Variants in FAM169A observed in about 807,000 individuals in gnomAD.
FAM169A encodes family with sequence similarity 169 member A.
In FAM169A, 24 loss-of-function variants were observed where a neutral mutation model predicts 75.7. The observed-to-expected ratio is 0.32, with a 90% CI of 0.23 to 0.45. FAM169A has a LOEUF of 0.45. Among genes scored for constraint, FAM169A ranks in the 20% least tolerant of loss-of-function variants. FAM169A has a pLI of 1.00. For synonymous variants in FAM169A, 271 were observed against 271.0 expected, an observed-to-expected ratio of 1.00 and a Z score of 0.00; for missense variants, 673 against 784.0, an observed-to-expected ratio of 0.86 and a Z score of 1.69.
At chr5:74,798,671 T>G (rs1746404382) in intron 10 of FAM169A, among the ~76,000 whole-genome samples, 1 of 152,214 alleles carries the variant, frequency 6.6e-6, no homozygotes, top group Non-Finnish European at 1.5e-5. Context: ...TTGGCAGAAC[T>G]GTTAGGGCAG....
intron 1 of FAM169A, among the ~76,000 whole-genome samples, chr5:74,844,278 C>T (rs1258094357): frequency 1.3e-5 from 2 of 151,836 alleles, no homozygotes; most frequent in Non-Finnish European, 2.9e-5. Context: ...GCCTGGGCCA[C>T]ACAGTGAGAC....
At chr5:74,799,234 CAGAA>C in intron 10 of FAM169A, 2 of 1,433,990 alleles carry the variant, frequency 1.4e-6, no homozygotes, top group Non-Finnish European at 2.0e-6. Flanking sequence ...TGTCTGGAGT[CAGAA>C]AGATGGTGTC....
chr5:74,863,520 T>C (rs1194768264), intron 1 of FAM169A, among the ~76,000 whole-genome samples: 1 of 152,238 alleles, frequency 6.6e-6, no homozygotes, highest in Non-Finnish European at 1.5e-5. Flanking sequence ...CCTTGACAGA[T>C]ATTGTGGGAA....
chr5:74,865,814 G>C (rs1287199594), intron 1 of FAM169A: 1 of 152,424 alleles, frequency 6.6e-6, no homozygotes, highest in Non-Finnish European at 1.5e-5. Context: ...GGTGGGGAGA[G>C]GGCGAGGGGA....
intron 1 of FAM169A, among the ~76,000 whole-genome samples, chr5:74,845,504 C>T (rs1169542958): frequency 9.9e-5 from 15 of 151,896 alleles, no homozygotes; most frequent in Admixed American, 2.0e-4. Flanking sequence ...GGTGACAGAG[C>T]GAGACTCTGT....
intron 5 of FAM169A, among the ~76,000 whole-genome samples, chr5:74,819,959 TC>T (rs1198502533): frequency 6.6e-6 from 1 of 151,766 alleles, no homozygotes; most frequent in Non-Finnish European, 1.5e-5. Context: ...GTTTCATAAT[TC>T]TGTGAATGTA....
intron 1 of FAM169A, among the ~76,000 whole-genome samples, chr5:74,849,666 T>G (rs916533187): frequency 1.3e-5 from 2 of 152,004 alleles, no homozygotes; most frequent in Non-Finnish European, 2.9e-5. Flanking sequence ...CCTTTTCTGT[T>G]TTCTAACATC....
At chr5:74,818,035 T>C (rs780096033) in intron 5 of FAM169A, among the ~76,000 whole-genome samples, 13 of 152,092 alleles carry the variant, frequency 8.5e-5, no homozygotes, top group Non-Finnish European at 1.8e-4. Flanking sequence ...AAACATAAGA[T>C]CTAAAACTAC....
At chr5:74,824,580 A>G (rs1561309213) in intron 5 of FAM169A, among the ~76,000 whole-genome samples, 1 of 151,492 alleles carries the variant, frequency 6.6e-6, no homozygotes, top group Admixed American at 6.6e-5. Flanking sequence ...ACATGGCCTC[A>G]TTTTTTTAAA....
chr5:74,840,029 T>G, intron 3 of FAM169A, 45 bp downstream of exon 3: 2 of 1,014,442 alleles, frequency 2.0e-6, no homozygotes, highest in Non-Finnish European at 3.0e-6. Flanking sequence ...TTCTAACAGT[T>G]TGGAGAAAAA....
intron 1 of FAM169A, among the ~76,000 whole-genome samples, chr5:74,854,860 A>G (rs1366435654): frequency 6.6e-6 from 1 of 152,170 alleles, no homozygotes; most frequent in Non-Finnish European, 1.5e-5. Flanking sequence ...TCATTCGATG[A>G]TTGACACTCA....
intron 6 of FAM169A, among the ~76,000 whole-genome samples, chr5:74,806,828 C>CA (rs1580105653): frequency 6.6e-6 from 1 of 151,872 alleles, no homozygotes; most frequent in East Asian, 1.9e-4. Flanking sequence ...AAAGTTATCC[C>CA]AAAGAAAAAC....
intron 5 of FAM169A, among the ~76,000 whole-genome samples, chr5:74,818,693 G>C (rs1747599736): frequency 6.6e-6 from 1 of 151,560 alleles, no homozygotes; most frequent in Non-Finnish European, 1.5e-5. Flanking sequence ...ACAAATGGGA[G>C]AGAGGAATAG....
At chr5:74,791,534 G>A (rs1348888218) in intron 11 of FAM169A, among the ~76,000 whole-genome samples, 1 of 152,212 alleles carries the variant, frequency 6.6e-6, no homozygotes, top group Non-Finnish European at 1.5e-5. Context: ...TAAGTCAACA[G>A]GCTAAGGAGG....
At position 74,804,532 on chromosome 5, in the gene FAM169A, T is replaced by G. The variant is rs535129898; in HGVS notation, c.873A>C (p.Ala291=). ...CACTAGACTGATTGTCTTCAGTTCT[T>G]GCTTCGTATTCTGGAACAGATGCAG... ...YGPASVPEYE[A]RTEDNQSSEM... is the part of the protein sequence containing the mutation. Residue 291 remains alanine (A), a synonymous_variant, in exon 8 of 13, where the codon GCA becomes GCC. Transcript: ENST00000687041. 1.5e-4 allele frequency: 244 copies of G among 1,611,880 alleles called. No homozygotes were observed. The South Asian group carries it at 2.6e-3, about 17-fold the overall frequency.
chr5:74,812,280 C>G (rs1747236978), intron 6 of FAM169A, among the ~76,000 whole-genome samples: 1 of 151,998 alleles, frequency 6.6e-6, no homozygotes. Flanking sequence ...CAAGCCACCA[C>G]ACCCAGCTAA....
At chr5:74,857,214 C>T (rs1266678807) in intron 1 of FAM169A, among the ~76,000 whole-genome samples, 1 of 150,986 alleles carries the variant, frequency 6.6e-6, no homozygotes, top group Admixed American at 6.6e-5. Flanking sequence ...AGATAAGGAA[C>T]TGAAATTGGG....
rs1283031573 is a variant in FAM169A at position 74,796,129 on chromosome 5, A to G, written c.1161T>C (p.Pro387=). ...CCTCAAATTCAATCCCTCTCTGTTCAGGTTCTTCTTCCAGGAATTCTTCTG... is the reference window on the plus strand; with the variant it reads ...CCTCAAATTCAATCCCTCTCTGTTCGGGTTCTTCTTCCAGGAATTCTTCTG... The part of the protein sequence containing the change: ...ESSEEFLEEE[P]EQRGIEFEDE... The change falls in exon 11 of 13, where the codon CCT becomes CCC. Residue 387 remains proline, a synonymous_variant. Transcript: ENST00000687041. 6 of 1,613,872 alleles carry G rather than the reference A, an allele frequency of 3.7e-6. No homozygotes were observed. In the African/African-American group the frequency reaches 8.0e-5, roughly 22 times the overall value.
At chr5:74,800,007 G>C in intron 10 of FAM169A, 1 of 781,616 alleles carries the variant, frequency 1.3e-6, no homozygotes, top group South Asian at 1.4e-5. Context: ...GGATGAGAAA[G>C]ATTGTCGCAA....
Sources: gnomAD v4.1 joint callset for allele counts (sites outside exome capture counted in the v4.1 genomes callset) on GRCh38, gnomAD v4.1.1 for gene constraint, MANE v1.5 for transcripts, NCBI Gene and HGNC (gene_info 2026-07-23, HGNC 2026-07-21) for gene names.